INPP4B: variants seen among roughly 807,000 people sequenced by gnomAD.
The protein encoded by INPP4B is inositol polyphosphate-4-phosphatase type II B, also known as inositol polyphosphate 4-phosphatase type II.
Under a neutral mutation model 122.5 loss-of-function variants are expected in INPP4B, and 55 were observed. That is an observed-to-expected ratio of 0.45 (90% CI 0.36 to 0.56). The LOEUF is 0.56. Ranked by LOEUF, INPP4B falls within the 20% of genes least tolerant of loss-of-function variation. The pLI is 0.00. For synonymous variants in INPP4B, 403 were observed against 388.7 expected, an observed-to-expected ratio of 1.04 and a Z score of -0.43; for missense variants, 1,000 against 1,097.7, an observed-to-expected ratio of 0.91 and a Z score of 1.26.
At chr4:142,655,340 A>C (rs560667736) in intron 2 of INPP4B, among the ~76,000 whole-genome samples, 1 of 152,286 alleles carries the variant, frequency 6.6e-6, no homozygotes, top group East Asian at 1.9e-4. Flanking sequence ...AATAGATTAA[A>C]ATTTTCCATC....
intron 1 of INPP4B, among the ~76,000 whole-genome samples, chr4:142,748,056 T>C (rs1401497826): frequency 1.3e-5 from 2 of 151,958 alleles, no homozygotes; most frequent in African/African-American, 4.8e-5. Flanking sequence ...TTTCACAGAG[T>C]ATGTTCTCTT....
At chr4:142,131,346 T>C (rs1407218856) in intron 18 of INPP4B, among the ~76,000 whole-genome samples, 2 of 152,154 alleles carry the variant, frequency 1.3e-5, no homozygotes, top group Non-Finnish European at 2.9e-5. Flanking sequence ...CTTATCAGAG[T>C]ACAGGCAATC....
intron 11 of INPP4B, among the ~76,000 whole-genome samples, chr4:142,238,667 A>C (rs1857730433): frequency 6.6e-6 from 1 of 152,114 alleles, no homozygotes; most frequent in Non-Finnish European, 1.5e-5. Context: ...TATCAGAAGC[A>C]AGGCAGAGAG....
chr4:142,272,086 T>C (rs1401713876), intron 9 of INPP4B, among the ~76,000 whole-genome samples: 1 of 152,222 alleles, frequency 6.6e-6, no homozygotes, highest in Non-Finnish European at 1.5e-5. Context: ...GACGTCTCAT[T>C]TTCTTCATTA....
At chr4:142,540,213 G>C (rs1828773166) in intron 2 of INPP4B, among the ~76,000 whole-genome samples, 1 of 151,986 alleles carries the variant, frequency 6.6e-6, no homozygotes, top group African/African-American at 2.4e-5. Flanking sequence ...TTAAAGTGGA[G>C]ACCTTGAATA....
intron 25 of INPP4B, among the ~76,000 whole-genome samples, chr4:142,042,520 A>ATGTGTGTGTGTGTGTG (rs1191824136): frequency 5.3e-5 from 2 of 37,490 alleles, no homozygotes; most frequent in African/African-American, 1.1e-4. Flanking sequence ...GTGTGTGTGT[A>ATGTGTGTGTGTGTGTG]TGTATGTATG....
intron 18 of INPP4B, among the ~76,000 whole-genome samples, chr4:142,132,816 T>C (rs1801977023): frequency 6.6e-6 from 1 of 152,218 alleles, no homozygotes; most frequent in Admixed American, 6.5e-5. Context: ...TTGACCCTAA[T>C]TCCCTTTACA....
chr4:142,106,820 C>T (rs539705108), intron 23 of INPP4B, among the ~76,000 whole-genome samples: 10 of 152,028 alleles, frequency 6.6e-5, no homozygotes, highest in Admixed American at 5.9e-4. Context: ...ATGCTGATGC[C>T]GCTGGCCTGG....
chr4:142,750,499 CTT>C (rs1425294153), intron 1 of INPP4B, among the ~76,000 whole-genome samples: 1 of 152,074 alleles, frequency 6.6e-6, no homozygotes, highest in East Asian at 1.9e-4. Flanking sequence ...TTTCACTAAA[CTT>C]AGCGTTTATG....
chr4:142,460,735 C>T (rs572683295), intron 3 of INPP4B, among the ~76,000 whole-genome samples: 6 of 152,214 alleles, frequency 3.9e-5, no homozygotes, highest in African/African-American at 1.4e-4. Context: ...TAACAGTCAA[C>T]TTAATTGGAA....
intron 1 of INPP4B, among the ~76,000 whole-genome samples, chr4:142,827,079 CTGT>C (rs1781544777): frequency 6.6e-6 from 1 of 152,182 alleles, no homozygotes. Context: ...CTTTCTAGGC[CTGT>C]TGTTTGGAAA....
rs72728694 is a variant in INPP4B, at chr4:142,828,960, G to C, written c.-254+17249C>G. Reference sequence around the variant, plus strand: ...AGAAAGCTGACCTGTATGGATCATCGTAGAAATCGTATCATGACCCCTGAC... The same window carrying C: ...AGAAAGCTGACCTGTATGGATCATCCTAGAAATCGTATCATGACCCCTGAC... On this transcript the variant is annotated intron_variant, in intron 1 of 25. Coordinates refer to ENST00000262992, the MANE Select transcript of INPP4B (RefSeq NM_001101669.3). Among the ~76,000 whole-genome samples, 5 of 149,316 alleles carry C rather than the reference G, an allele frequency of 3.3e-5. No homozygotes were observed. The East Asian group carries it at 1.0e-3, about 30-fold the overall frequency.
intron 1 of INPP4B, among the ~76,000 whole-genome samples, chr4:142,840,616 T>C (rs1783361890): frequency 6.6e-6 from 1 of 152,136 alleles, no homozygotes; most frequent in South Asian, 2.1e-4. Flanking sequence ...ACTTTAACTT[T>C]ATTAACTCAC....
At chr4:142,521,424 A>T (rs1188904092) in intron 2 of INPP4B, among the ~76,000 whole-genome samples, 1 of 152,070 alleles carries the variant, frequency 6.6e-6, no homozygotes, top group Non-Finnish European at 1.5e-5. Context: ...ATTTCAACCC[A>T]TGAAAAACCT....
chr4:142,780,488 A>G (rs984866202), intron 1 of INPP4B, among the ~76,000 whole-genome samples: 2 of 152,188 alleles, frequency 1.3e-5, no homozygotes, highest in African/African-American at 2.4e-5. Context: ...AAATTAAGGC[A>G]TTAATAAACT....
intron 25 of INPP4B, among the ~76,000 whole-genome samples, chr4:142,065,295 A>G (rs1578777225): frequency 6.6e-6 from 1 of 152,092 alleles, no homozygotes; most frequent in Middle Eastern, 3.4e-3. Flanking sequence ...AAAGAATGCT[A>G]TACATCTGAA....
chr4:142,570,552 C>T (rs897564177), intron 2 of INPP4B, among the ~76,000 whole-genome samples: 12 of 151,820 alleles, frequency 7.9e-5, no homozygotes, highest in Non-Finnish European at 1.6e-4. Context: ...CATGAAGGCA[C>T]GATCTGACTT....
chr4:142,467,531 TTTTTTTTG>T lies in INPP4B; in HGVS notation c.-190-4813_-190-4806del, dbSNP rs1818017956. ...GTATCTTGAGAGTAAATAACTAGTT[TTTTTTTTG>T]TTTTTTGTTTTTTGTTTTTTCAAAT... On this transcript the variant is annotated intron_variant, in intron 2 of 25. Coordinates refer to ENST00000262992, the MANE Select transcript of INPP4B (RefSeq NM_001101669.3). 4.6e-5 allele frequency among the ~76,000 whole-genome samples: 7 copies of T among 151,586 alleles called. No homozygotes were observed. In the South Asian group the frequency reaches 1.5e-3, roughly 32 times the overall value.
intron 2 of INPP4B, among the ~76,000 whole-genome samples, chr4:142,694,683 G>A (rs1420386134): frequency 1.3e-5 from 2 of 152,156 alleles, no homozygotes; most frequent in Non-Finnish European, 2.9e-5. Flanking sequence ...GGAAGGGTCA[G>A]ACATTATCTG....
Sources: gnomAD v4.1 joint callset for allele counts (sites outside exome capture counted in the v4.1 genomes callset) on GRCh38, gnomAD v4.1.1 for gene constraint, MANE v1.5 for transcripts, NCBI Gene and HGNC (gene_info 2026-07-23, HGNC 2026-07-21) for gene names.